Variants in CATSPERD observed in about 807,000 individuals in gnomAD.
The protein encoded by CATSPERD is cation channel sperm-associated auxiliary subunit delta.
In CATSPERD, 86 loss-of-function variants were observed where a neutral mutation model predicts 98.1. The observed-to-expected ratio is 0.88, with a 90% CI of 0.74 to 1.05. The LOEUF (loss-of-function observed/expected upper bound fraction) is 1.05. CATSPERD is among the 50% of genes least tolerant of loss of function. The probability of loss-of-function intolerance (pLI) is 0.00; values close to 1 mark genes in which losing one functional copy is unlikely to be tolerated. For synonymous variants in CATSPERD, 394 were observed against 390.2 expected, an observed-to-expected ratio of 1.01 and a Z score of -0.12; for missense variants, 995 against 1,005.7, an observed-to-expected ratio of 0.99 and a Z score of 0.14.
intron 6 of CATSPERD, among the ~76,000 whole-genome samples, chr19:5,738,375 A>G (rs1007772760): frequency 2.0e-5 from 3 of 150,846 alleles, no homozygotes; most frequent in African/African-American, 7.3e-5. Context: ...AAAAAAGAAA[A>G]GAAAAAAATA....
At chr19:5,767,056 G>A (rs1422028818) in intron 17 of CATSPERD, among the ~76,000 whole-genome samples, 21 of 150,890 alleles carry the variant, frequency 1.4e-4, no homozygotes, top group East Asian at 4.0e-4. Flanking sequence ...GGTGGCTCAC[G>A]CCTGTAATCC....
chr19:5,761,855 A>G (rs904811698), intron 15 of CATSPERD, among the ~76,000 whole-genome samples: 1 of 151,280 alleles, frequency 6.6e-6, no homozygotes, highest in African/African-American at 2.4e-5. Context: ...GTTCCCGAGT[A>G]GCTGGGACTA....
chr19:5,737,047 A>G (rs1323551892), intron 5 of CATSPERD, 91 bp from the exon 6 acceptor site: 12 of 749,206 alleles, frequency 1.6e-5, no homozygotes, highest in African/African-American at 3.5e-5. Context: ...ACAGAGCAAG[A>G]CTCTGTCTCA....
At chr19:5,736,293 T>C (rs1379845460) in intron 5 of CATSPERD, among the ~76,000 whole-genome samples, 2 of 152,156 alleles carry the variant, frequency 1.3e-5, no homozygotes, top group Non-Finnish European at 1.5e-5. Flanking sequence ...AGGAAGGTGC[T>C]ACTGGCATTG....
In CATSPERD at chr19:5,768,697, G is replaced by A. The variant is rs1250516213; in HGVS notation, c.1634+455G>A. On this transcript the variant is annotated intron_variant, in intron 18 of 21. Transcript: ENST00000381624. ...GGCCCAGGCTGGAGTGCAGCGATGC[G>A]ATCATAGCTCACCACAGCCTCGACC... Among the ~76,000 whole-genome samples the A allele has an allele frequency of 4.6e-5, 7 of 152,172 alleles. No homozygotes were observed. The Middle Eastern group carries it at 0.02, about 444-fold the overall frequency.
chr19:5,765,875 T>C (rs539428320), intron 16 of CATSPERD, among the ~76,000 whole-genome samples: 15 of 151,954 alleles, frequency 9.9e-5, no homozygotes, highest in Admixed American at 7.2e-4. Flanking sequence ...CACTAATAGC[T>C]CCTCAGGCGA....
Position 5,740,173 on chromosome 19 carries a change from C to T in CATSPERD, c.573+734C>T, listed in dbSNP as rs1255310993. Among the ~76,000 whole-genome samples the T allele has an allele frequency of 6.0e-5, 9 of 150,958 alleles. No homozygotes were observed. The South Asian group carries it at 6.3e-4, about 11-fold the overall frequency. On this transcript the variant is annotated intron_variant, in intron 7 of 21. Transcript: ENST00000381624. Reference sequence around the variant, plus strand: ...GCACATGCTTGTAATCTCAGCTACTCGGGAGGCTGAGGCAGGAGAATCGCT... The same window carrying T: ...GCACATGCTTGTAATCTCAGCTACTTGGGAGGCTGAGGCAGGAGAATCGCT...
Position 5,751,725 on chromosome 19 carries a change from C to T in CATSPERD, c.1066C>T (p.Leu356=), listed in dbSNP as rs1306154434. 6.2e-7 allele frequency: 1 copy of T among 1,613,822 alleles called. No individual in the cohort carries two copies. Among genetic ancestry groups the T allele is most frequent in the South Asian group, 1.1e-5 (1 of 91,068 alleles). ...SPGTLEILTP[L]RDTAFPAFDF... is the part of the protein sequence containing the mutation. The stretch of plus-strand genomic sequence containing the variant: ...AGGGACTCTGGAAATACTGACCCCA[C>T]TGCGTGACACAGCCTTTCCAGCTTT... Residue 356 remains leucine, a synonymous_variant, in exon 12 of 22, where the codon CTG becomes TTG. Coordinates refer to ENST00000381624, the MANE Select transcript of CATSPERD (RefSeq NM_152784.4).
Position 5,739,326 on chromosome 19 carries a change from C to A in CATSPERD, c.460C>A (p.His154Asn). Residue 154 changes from histidine (H) to asparagine (N), a missense_variant and splice_region_variant, in exon 7 of 22, where the codon CAT becomes AAT. Physicochemically the swap from His to Asn is moderately conservative, Grantham distance 68. Transcript: ENST00000381624. Reference sequence around the variant, plus strand: ...CTTTCTTTCTTTTTTTTTTTTATAGCATGTCAGTAATTTGGTTTTTGCATA... The same window carrying A: ...CTTTCTTTCTTTTTTTTTTTTATAGAATGTCAGTAATTTGGTTTTTGCATA... ...CCYTGSLFCVHVSNLVFAYFR... is the reference protein window; with the variant it reads ...CCYTGSLFCVNVSNLVFAYFR... 4 of 1,422,992 alleles carry A rather than the reference C, an allele frequency of 2.8e-6. No individual in the cohort carries two copies. Among genetic ancestry groups the A allele is most frequent in the Non-Finnish European group, 3.9e-6 (4 of 1,022,710 alleles). 88.1% of individuals were successfully genotyped at this position (1,422,992 alleles called of 1,614,324 possible).
chr19:5,765,409 C>G (rs2446199), intron 16 of CATSPERD, among the ~76,000 whole-genome samples: 205 of 2,354 alleles, frequency 0.087, no homozygotes, highest in Non-Finnish European at 0.16. Context: ...TTGATTTATT[C>G]ATTCATTCAT....
intron 7 of CATSPERD, among the ~76,000 whole-genome samples, chr19:5,740,268 C>T (rs1263719560): frequency 2.7e-5 from 4 of 149,202 alleles, no homozygotes; most frequent in Non-Finnish European, 1.5e-5. Context: ...GCAACAAGAG[C>T]AAAACAGTGT....
chr19:5,722,242 C>T (rs1457671232), intron 1 of CATSPERD, among the ~76,000 whole-genome samples: 1 of 152,140 alleles, frequency 6.6e-6, no homozygotes, highest in African/African-American at 2.4e-5. Context: ...CTGCCTCAGC[C>T]TCCAGAGTAG....
At chr19:5,733,824 C>T (rs1193079690) in intron 4 of CATSPERD, 32 bp from the exon 5 acceptor site, 1 of 1,367,118 alleles carries the variant, frequency 7.3e-7, no homozygotes, top group Non-Finnish European at 1.0e-6. Context: ...AAAAGATGCT[C>T]TCATTGATAT....
intron 6 of CATSPERD, 89 bp downstream of exon 6, chr19:5,737,294 C>A: frequency 1.2e-6 from 1 of 866,666 alleles, no homozygotes; most frequent in Non-Finnish European, 1.9e-6. Flanking sequence ...GGCGTGGTGG[C>A]TCATACCTGT....
In CATSPERD at chr19:5,749,125, C is replaced by A. The variant is rs763677508; in HGVS notation, c.929C>A (p.Thr310Asn). Residue 310 changes from threonine (T) to asparagine (N), a missense_variant, in exon 11 of 22, where the codon ACT becomes AAT. Transcript: ENST00000381624. ...AVTENELAVI[T>N]REDNLYYGNL... is the part of the protein sequence containing the mutation. ...GCTGAAAATGAACTGGCAGTTATAA[C>A]TCGGGAGGATAATTTGTATTATGGC... 6.2e-7 allele frequency: 1 copy of A among 1,612,100 alleles called. No individual in the cohort carries two copies. The highest frequency in any genetic ancestry group is 1.1e-5 in the South Asian group (1 of 90,756).
chr19:5,762,450 C>T (rs1232766005), intron 15 of CATSPERD, among the ~76,000 whole-genome samples: 1 of 152,124 alleles, frequency 6.6e-6, no homozygotes, highest in East Asian at 1.9e-4. Flanking sequence ...ATGATCCAAT[C>T]ACCTCCCACC....
Position 5,741,788 on chromosome 19 carries a change from G to C in CATSPERD, c.573+2349G>C, listed in dbSNP as rs1055337162. Reference sequence around the variant, plus strand: ...CAGCACTTTGGGATGCTGAAGGCGGGGGGGGGGGGGTGGTGTGGATCACTT... The same window carrying C: ...CAGCACTTTGGGATGCTGAAGGCGGCGGGGGGGGGGTGGTGTGGATCACTT... On this transcript the variant is annotated intron_variant, in intron 7 of 21. Coordinates refer to ENST00000381624, the MANE Select transcript of CATSPERD (RefSeq NM_152784.4). Among the ~76,000 whole-genome samples the C allele has an allele frequency of 8.3e-5, 8 of 96,790 alleles. 1 individual carries two copies. The highest frequency in any genetic ancestry group is 7.2e-4 in the East Asian group (3 of 4,156). The allele number at this position is 96,790 out of a possible 152,430, so 63.5% of individuals were successfully genotyped here. A position where few individuals can be genotyped will look rare whatever the true frequency, so the allele number is the denominator to read the frequency against.
chr19:5,743,949 T>A (rs1268461571), intron 7 of CATSPERD, among the ~76,000 whole-genome samples: 2 of 152,134 alleles, frequency 1.3e-5, no homozygotes, highest in Non-Finnish European at 2.9e-5. Flanking sequence ...AAAGCTGTCT[T>A]CTTTCAAGTT....
At chr19:5,738,283 T>A (rs2055886485) in intron 6 of CATSPERD, among the ~76,000 whole-genome samples, 1 of 150,036 alleles carries the variant, frequency 6.7e-6, no homozygotes, top group Non-Finnish European at 1.5e-5. Flanking sequence ...GGCAGTCACC[T>A]GTAATCCCAG....
Sources: gnomAD v4.1 joint callset for allele counts (sites outside exome capture counted in the v4.1 genomes callset) on GRCh38, gnomAD v4.1.1 for gene constraint, MANE v1.5 for transcripts, NCBI Gene and HGNC (gene_info 2026-07-23, HGNC 2026-07-21) for gene names.